Variants in EPB41 observed in about 807,000 individuals in gnomAD.
EPB41 encodes protein 4.1.
Under a neutral mutation model 108.0 loss-of-function variants are expected in EPB41, and 65 were observed. The observed-to-expected ratio is 0.60, with a 90% CI of 0.49 to 0.74. The LOEUF (loss-of-function observed/expected upper bound fraction) is 0.74, where lower values mean the gene tolerates loss of function less well. EPB41 is among the 30% of genes least tolerant of loss of function. EPB41 has a pLI of 0.00. For missense variants in EPB41, 875 were observed against 1,037.0 expected (o/e 0.84, Z 2.15); for synonymous variants, 336 against 358.9 (o/e 0.94, Z 0.72).
intron 16 of EPB41, chr1:29,072,259 G>A (rs1011252291): frequency 1.3e-5 from 2 of 152,042 alleles, no homozygotes; most frequent in African/African-American, 4.8e-5. Flanking sequence ...TTACAAAGCT[G>A]TTCTCTACCA....
intron 7 of EPB41, among the ~76,000 whole-genome samples, chr1:29,021,587 C>CT (rs376316483): frequency 2.2e-3 from 312 of 142,170 alleles, no homozygotes; most frequent in South Asian, 5.4e-3. Flanking sequence ...CTTTTTTTTT[C>CT]TTTTTTTTTT....
chr1:29,017,567 G>A (rs958406507), intron 6 of EPB41, among the ~76,000 whole-genome samples: 9 of 152,218 alleles, frequency 5.9e-5, no homozygotes, highest in Admixed American at 2.0e-4. Context: ...GTCTTACAAG[G>A]TGGCTAATAG....
chr1:29,057,753 C>T (rs1460784248), intron 12 of EPB41, among the ~76,000 whole-genome samples: 1 of 152,036 alleles, frequency 6.6e-6, no homozygotes, highest in Admixed American at 6.6e-5. Context: ...ATAATTGCTC[C>T]ATTTTCTATG....
At chr1:28,950,159 G>A (rs755190566) in intron 1 of EPB41, among the ~76,000 whole-genome samples, 32 of 152,236 alleles carry the variant, frequency 2.1e-4, no homozygotes, top group Non-Finnish European at 3.4e-4. Context: ...GTTTCTCTAA[G>A]GTAGATACTT....
intron 1 of EPB41, among the ~76,000 whole-genome samples, chr1:28,901,666 T>C (rs2091334013): frequency 6.6e-6 from 1 of 152,106 alleles, no homozygotes; most frequent in Admixed American, 6.6e-5. Flanking sequence ...CCTGAGTAGC[T>C]GGGATTACAG....
chr1:28,893,653 C>T (rs1044150462), intron 1 of EPB41: 1 of 152,276 alleles, frequency 6.6e-6, no homozygotes, highest in Non-Finnish European at 1.5e-5. Context: ...CAGCAAGACC[C>T]CAGAGGCAGA....
chr1:28,888,879 G>A, intron 1 of EPB41, among the ~76,000 whole-genome samples: 1 of 151,968 alleles, frequency 6.6e-6, no homozygotes, highest in East Asian at 1.9e-4. Context: ...CACCCACCTC[G>A]GCCTCCCAAA....
intron 1 of EPB41, among the ~76,000 whole-genome samples, chr1:28,943,872 A>G (rs748085726): frequency 2.4e-4 from 37 of 152,190 alleles, no homozygotes; most frequent in Admixed American, 7.9e-4. Context: ...TATATACCCA[A>G]TAGAAAGGAA....
intron 10 of EPB41, 132 bp from the exon 11 acceptor site, chr1:29,039,122 A>C: frequency 1.0e-6 from 1 of 1,004,310 alleles, no homozygotes; most frequent in Non-Finnish European, 1.4e-6. Context: ...CTTGATTGAA[A>C]ATTTCTTAGT....
chr1:28,894,700 G>A (rs1056939629), intron 1 of EPB41, among the ~76,000 whole-genome samples: 1 of 152,094 alleles, frequency 6.6e-6, no homozygotes, highest in Admixed American at 6.5e-5. Flanking sequence ...CCCTGGACAA[G>A]GCATGCTCTT....
chr1:28,951,931 A>G lies in EPB41; in HGVS notation c.-7-35500A>G, dbSNP rs112319844. Among the ~76,000 whole-genome samples, 642 of 152,302 alleles carry G rather than the reference A, an allele frequency of 4.2e-3. 6 individuals are homozygous for G. The highest frequency in any genetic ancestry group is 0.014 in the African/African-American group (598 of 41,566). ...GAGATCACTATACTTAAGAAAACTA[A>G]GAATTGGCTTGAAAATTAGTGTTAC... On this transcript the variant is annotated intron_variant, in intron 1 of 20. Coordinates refer to ENST00000343067, the MANE Select transcript of EPB41 (RefSeq NM_001376013.1).
At chr1:28,961,863 T>C (rs1010688890) in intron 1 of EPB41, among the ~76,000 whole-genome samples, 5 of 152,324 alleles carry the variant, frequency 3.3e-5, no homozygotes, top group African/African-American at 9.6e-5. Context: ...TTTTCTCTTC[T>C]TTTGTGAGGA....
intron 1 of EPB41, among the ~76,000 whole-genome samples, chr1:28,897,849 G>C (rs1241186321): frequency 6.6e-6 from 1 of 152,114 alleles, no homozygotes; most frequent in African/African-American, 2.4e-5. Context: ...AGAGCTGATG[G>C]GCTAGGTTCT....
At chr1:29,063,645 C>T (rs1004757855) in intron 15 of EPB41, among the ~76,000 whole-genome samples, 1 of 151,950 alleles carries the variant, frequency 6.6e-6, no homozygotes, top group Non-Finnish European at 1.5e-5. Context: ...TCCTACAGAG[C>T]CAAAAAAGAA....
intron 1 of EPB41, among the ~76,000 whole-genome samples, chr1:28,894,688 G>A (rs2090475868): frequency 6.6e-6 from 1 of 152,054 alleles, no homozygotes; most frequent in Non-Finnish European, 1.5e-5. Flanking sequence ...GTCCAGGTGT[G>A]ACCCTGGACA....
In EPB41 at chr1:29,115,874, C is replaced by G. The variant is rs914749610; in HGVS notation, c.*6+71C>G. 8.3e-7 allele frequency: 1 copy of G among 1,210,090 alleles called. No individual in the cohort carries two copies. Among genetic ancestry groups the G allele is most frequent in the Non-Finnish European group, 1.2e-6 (1 of 817,774 alleles). 75.0% of individuals were successfully genotyped at this position (1,210,090 alleles called of 1,614,324 possible). On this transcript the variant is annotated intron_variant, in intron 20 of 20. Coordinates refer to ENST00000343067, the MANE Select transcript of EPB41 (RefSeq NM_001376013.1). This position sits in a 1 kb window ranked among gnomAD's most constrained non-coding sequence, Gnocchi z 4.4. ...CTGAGAGGGCTCTGGATGGGACCCT[C>G]GGACACACTGGGAGCCCATCCCCAC...
At chr1:28,972,083 A>G (rs1444848291) in intron 1 of EPB41, among the ~76,000 whole-genome samples, 2 of 151,334 alleles carry the variant, frequency 1.3e-5, no homozygotes, top group African/African-American at 2.4e-5. Flanking sequence ...TACCATGCCC[A>G]GCTAATTTTT....
At chr1:28,928,717 G>T (rs2093585196) in intron 1 of EPB41, among the ~76,000 whole-genome samples, 1 of 152,228 alleles carries the variant, frequency 6.6e-6, no homozygotes, top group Non-Finnish European at 1.5e-5. Context: ...AAGTTAGGCT[G>T]AGGAAAGTGG....
intron 1 of EPB41, among the ~76,000 whole-genome samples, chr1:28,966,132 G>C (rs1052589950): frequency 2.0e-5 from 3 of 151,678 alleles, no homozygotes; most frequent in African/African-American, 7.3e-5. Context: ...GCTGAGATGA[G>C]CTGAGATCGC....
Sources: allele counts gnomAD v4.1 joint callset (sites outside exome capture counted in the v4.1 genomes callset), GRCh38; gene constraint gnomAD v4.1.1; non-coding constraint Gnocchi (gnomAD v3.1); transcripts MANE v1.5; gene names NCBI Gene and HGNC (gene_info 2026-07-23, HGNC 2026-07-21).